USB1: variants seen among roughly 807,000 people sequenced by gnomAD.
The protein encoded by USB1 is U6 snRNA phosphodiesterase 1.
A neutral mutation model predicts 29.9 loss-of-function variants in USB1; 21 were observed. The ratio of observed to expected loss-of-function variants is 0.70; its 90% confidence interval spans 0.50 to 1.01. USB1 has a LOEUF of 1.01. Ranked by LOEUF, USB1 falls within the 50% of genes least tolerant of loss-of-function variation. The pLI, the probability that USB1 is intolerant of heterozygous loss-of-function variation, is 0.00. For synonymous variants in USB1, 143 were observed against 134.9 expected (o/e 1.06, Z -0.42); for missense variants, 330 against 347.1 (o/e 0.95, Z 0.39).
At chr16:58,010,725 A>C (rs1159264277) in intron 3 of USB1, 4 of 425,322 alleles carry the variant, frequency 9.4e-6, no homozygotes, top group African/African-American at 4.0e-5. Flanking sequence ...TACAGGATAC[A>C]CATGAACAGC....
intron 5 of USB1, among the ~76,000 whole-genome samples, chr16:58,017,761 A>G (rs1963651637): frequency 6.6e-6 from 1 of 152,192 alleles, no homozygotes; most frequent in African/African-American, 2.4e-5. Flanking sequence ...ATTTTTGGTC[A>G]GATTGACCCT....
chr16:58,021,331 T>G lies in USB1; in HGVS notation c.*1086T>G, dbSNP rs1963735345. On this transcript the variant is annotated 3_prime_UTR_variant, in exon 7 of 7. Coordinates refer to ENST00000219281, the MANE Select transcript of USB1 (RefSeq NM_024598.4). ...GCTGAAAGCCAGGCCTCCAATGCAC[T>G]GTGACCTCTGGCTTCCCCAGCAGCT... 1 of 152,256 alleles carries G rather than the reference T, an allele frequency of 6.6e-6. No homozygotes were observed. The highest frequency in any genetic ancestry group is 2.4e-5 in the African/African-American group (1 of 41,482). 9.4% of individuals were successfully genotyped at this position (152,256 alleles called of 1,614,324 possible).
At position 58,017,315 on chromosome 16, in the gene USB1, G is replaced by C; in HGVS notation, c.504-19G>C. 6.2e-7 allele frequency: 1 copy of C among 1,609,880 alleles called. No individual in the cohort carries two copies. The highest frequency in any genetic ancestry group is 8.5e-7 in the Non-Finnish European group (1 of 1,176,398). On this transcript the variant is annotated intron_variant, in intron 4 of 6. Coordinates refer to ENST00000219281, the MANE Select transcript of USB1 (RefSeq NM_024598.4). ...CTCAGAGGCTACATCTCATGCCTGC[G>C]TTGTCTTCCTCTCCCCAGGACCTTT...
At position 58,021,259 on chromosome 16, in the gene USB1, G is replaced by A. The variant is rs984690399; in HGVS notation, c.*1014G>A. 9.2e-5 allele frequency: 14 copies of A among 152,240 alleles called. No individual in the cohort carries two copies. The highest frequency in any genetic ancestry group is 3.4e-4 in the African/African-American group (14 of 41,466). 9.4% of individuals were successfully genotyped at this position (152,240 alleles called of 1,614,324 possible). A position where few individuals can be genotyped will look rare whatever the true frequency, so the allele number is the denominator to read the frequency against. ...CTTTCTCCCACTCACCCCCAGCAAG[G>A]TGCCTGGGGAGACTTGAGCAGATGT... On this transcript the variant is annotated 3_prime_UTR_variant, in exon 7 of 7. Transcript: ENST00000219281.
Position 58,020,337 on chromosome 16 carries a change from A to G in USB1, c.*92A>G, listed in dbSNP as rs973512214. 2.4e-6 allele frequency: 3 copies of G among 1,260,930 alleles called. No homozygotes were observed. The highest frequency in any genetic ancestry group is 3.4e-6 in the Non-Finnish European group (3 of 876,334). 78.1% of individuals were successfully genotyped at this position (1,260,930 alleles called of 1,614,324 possible). ...TCGATGGAGATGCTTCTAGCCTCCC[A>G]GTAGGAGGCCCCAGCCATGCCTTCA... On this transcript the variant is annotated 3_prime_UTR_variant, in exon 7 of 7. Coordinates refer to ENST00000219281, the MANE Select transcript of USB1 (RefSeq NM_024598.4).
intron 6 of USB1, among the ~76,000 whole-genome samples, chr16:58,019,917 T>C (rs28504996): frequency 6.6e-6 from 1 of 152,094 alleles, no homozygotes; most frequent in African/African-American, 2.4e-5. Context: ...GTTTCTGTGA[T>C]CCAGGGCTCT....
At chr16:58,007,222 A>G (rs1597046703) in intron 2 of USB1, among the ~76,000 whole-genome samples, 1 of 152,250 alleles carries the variant, frequency 6.6e-6, no homozygotes, top group East Asian at 1.9e-4. Context: ...TGCTGGCCTC[A>G]TGGAATAAGT....
chr16:58,020,318 G>C lies in USB1; in HGVS notation c.*73G>C. 6.8e-7 allele frequency: 1 copy of C among 1,473,728 alleles called. No homozygotes were observed. The highest frequency in any genetic ancestry group is 9.4e-7 in the Non-Finnish European group (1 of 1,060,224). The allele number at this position is 1,473,728 out of a possible 1,614,324, so 91.3% of individuals were successfully genotyped here. A position where few individuals can be genotyped will look rare whatever the true frequency, so the allele number is the denominator to read the frequency against. ...ATGGAGGAACCTGCTAAAATCGATG[G>C]AGATGCTTCTAGCCTCCCAGTAGGA... On this transcript the variant is annotated 3_prime_UTR_variant, in exon 7 of 7. Coordinates refer to ENST00000219281, the MANE Select transcript of USB1 (RefSeq NM_024598.4).
intron 2 of USB1, among the ~76,000 whole-genome samples, chr16:58,005,544 G>C (rs1268538685): frequency 1.3e-5 from 2 of 152,226 alleles, no homozygotes; most frequent in Middle Eastern, 3.4e-3. Context: ...GTTTTTCCTA[G>C]GTTATGATTA....
At chr16:58,018,486 A>C (rs1329606554) in intron 5 of USB1, among the ~76,000 whole-genome samples, 2 of 152,036 alleles carry the variant, frequency 1.3e-5, no homozygotes, top group Non-Finnish European at 2.9e-5. Flanking sequence ...GGCCTCTCAA[A>C]GTGCTAGGAT....
At chr16:58,014,080 G>A (rs998646461) in intron 3 of USB1, 193 bp from the exon 4 acceptor site, 6 of 585,334 alleles carry the variant, frequency 1.0e-5, no homozygotes, top group African/African-American at 3.8e-5. Context: ...TGTGTTACTC[G>A]GGCTGGGTGA....
chr16:58,007,403 A>G (rs1567418697), intron 2 of USB1, among the ~76,000 whole-genome samples: 1 of 151,984 alleles, frequency 6.6e-6, no homozygotes, highest in Non-Finnish European at 1.5e-5. Context: ...TTTTTCGGAG[A>G]CAGAGTCTCA....
Position 58,013,163 on chromosome 16 carries a change from TG to T in USB1, c.450-1107del. 5 of 985,546 alleles carry T rather than the reference TG, an allele frequency of 5.1e-6. No homozygotes were observed. The highest frequency in any genetic ancestry group is 6.0e-6 in the Non-Finnish European group (5 of 830,026). 61.1% of individuals were successfully genotyped at this position (985,546 alleles called of 1,614,324 possible). On this transcript the variant is annotated intron_variant, in intron 3 of 6. Transcript: ENST00000219281. This position sits in a 1 kb window ranked among gnomAD's most constrained non-coding sequence, Gnocchi z 4.3. ...ATGCTAAGCTCTGTTTGGCCAGGCCTGGGCAGCCTGCCTCTGGAGTAGGGGT... is the reference window on the plus strand; with the variant it reads ...ATGCTAAGCTCTGTTTGGCCAGGCCTGGCAGCCTGCCTCTGGAGTAGGGGT...
intron 4 of USB1, among the ~76,000 whole-genome samples, chr16:58,014,540 T>A (rs972882577): frequency 2.8e-4 from 43 of 152,206 alleles, no homozygotes; most frequent in Non-Finnish European, 8.8e-5. Flanking sequence ...TCCAGCACTT[T>A]GGGAGGCTGA....
At chr16:58,014,932 G>T (rs1215709669) in intron 4 of USB1, among the ~76,000 whole-genome samples, 2 of 152,044 alleles carry the variant, frequency 1.3e-5, no homozygotes, top group South Asian at 2.1e-4. Context: ...CAAAAAATTA[G>T]CTGGGTGTGG....
chr16:58,001,616 G>C, intron 1 of USB1, 35 bp downstream of exon 1: 2 of 1,573,782 alleles, frequency 1.3e-6, no homozygotes, highest in Non-Finnish European at 1.7e-6. Context: ...GAGGGCGCGC[G>C]CATTCACCCT....
intron 4 of USB1, among the ~76,000 whole-genome samples, chr16:58,014,805 G>A (rs564791796): frequency 4.0e-5 from 6 of 151,818 alleles, no homozygotes; most frequent in South Asian, 2.1e-4. Flanking sequence ...GGCCAGGTGC[G>A]GTGGCTCACG....
At chr16:58,018,308 C>T (rs1263419534) in intron 5 of USB1, among the ~76,000 whole-genome samples, 1 of 150,386 alleles carries the variant, frequency 6.6e-6, no homozygotes, top group Admixed American at 6.7e-5. Flanking sequence ...CTCCCTGCAA[C>T]CTCCGCCTCC....
chr16:58,020,246 G>A lies in USB1; in HGVS notation c.*1G>A. 1 of 1,613,906 alleles carries A rather than the reference G, an allele frequency of 6.2e-7. No individual in the cohort carries two copies. Among genetic ancestry groups the A allele is most frequent in the Non-Finnish European group, 8.5e-7 (1 of 1,179,818 alleles). ...GTTCTTCTCGATGCCTTTGAAGTGAGCACCAGAGGCCTTCCTCCTCCAGGG... is the reference window on the plus strand; with the variant it reads ...GTTCTTCTCGATGCCTTTGAAGTGAACACCAGAGGCCTTCCTCCTCCAGGG... On this transcript the variant is annotated 3_prime_UTR_variant, in exon 7 of 7. Transcript: ENST00000219281.
Sources: allele counts gnomAD v4.1 joint callset (sites outside exome capture counted in the v4.1 genomes callset), GRCh38; gene constraint gnomAD v4.1.1; non-coding constraint Gnocchi (gnomAD v3.1); transcripts MANE v1.5; gene names NCBI Gene and HGNC (gene_info 2026-07-23, HGNC 2026-07-21).